ARHGEF1: variants seen among roughly 807,000 people sequenced by gnomAD.
ARHGEF1 encodes Rho guanine nucleotide exchange factor 1, also known as 115 kDa guanine nucleotide exchange factor.
Under a neutral mutation model 119.7 loss-of-function variants are expected in ARHGEF1, and 40 were observed. The ratio of observed to expected loss-of-function variants is 0.33; its 90% CI spans 0.26 to 0.44. ARHGEF1 has a LOEUF of 0.44. Ranked by LOEUF, ARHGEF1 falls within the 20% of genes least tolerant of loss-of-function variation. ARHGEF1 has a pLI of 1.00. For synonymous variants in ARHGEF1, 494 were observed against 521.0 expected (o/e 0.95, Z 0.71); for missense variants, 976 against 1,268.3 (o/e 0.77, Z 3.50).
At chr19:41,910,061 G>A, downstream of ARHGEF1, 2 of 1,613,460 alleles carry the variant, frequency 1.2e-6, no homozygotes, top group Non-Finnish European at 1.7e-6. The surrounding 1 kb of genome is among the most constrained non-coding windows in gnomAD (Gnocchi z 4.4). Context: ...GCCAGGGGAT[G>A]ACTCTGGCTT....
downstream of ARHGEF1, among the ~76,000 whole-genome samples, chr19:41,911,055 T>C (rs1764814338): frequency 6.6e-6 from 1 of 152,070 alleles, no homozygotes; most frequent in South Asian, 2.1e-4. Context: ...AGCACCAAGA[T>C]ATCCATGTCC....
In ARHGEF1 at chr19:41,904,365, A is replaced by G; in HGVS notation, c.2143A>G (p.Thr715Ala). The change falls in exon 22 of 29, where the codon ACC (threonine) becomes GCC (alanine). Residue 715 changes from threonine (T) to alanine (A), a missense_variant. Around this residue, in one of 3 missense-constraint regions of ARHGEF1, gnomAD observed 286 missense variants for 506.8 expected, o/e 0.56. Coordinates refer to ENST00000354532, the MANE Select transcript of ARHGEF1 (RefSeq NM_004706.4). The surrounding 1 kb of genome is among the most constrained non-coding windows in gnomAD (Gnocchi z 8.4). Reference sequence around the variant, plus strand: ...CGTGCTGCGGCTCACCTCCGCCATGACCCGCGAGGTGGCCACCGGTGAGTG... The same window carrying G: ...CGTGCTGCGGCTCACCTCCGCCATGGCCCGCGAGGTGGCCACCGGTGAGTG... ...RPVLRLTSAM[T>A]REVATDHKAF... The G allele has an allele frequency of 6.3e-7, 1 of 1,582,730 alleles. No individual in the cohort carries two copies.
intron 9 of ARHGEF1, 39 bp downstream of exon 9, chr19:41,894,345 C>T: frequency 6.6e-7 from 1 of 1,517,414 alleles, no homozygotes; most frequent in Non-Finnish European, 8.9e-7. Flanking sequence ...CTTTCCTCTC[C>T]AGAGACGCCC....
intron 18 of ARHGEF1, among the ~76,000 whole-genome samples, chr19:41,913,624 CCT>C (rs1668882647): frequency 6.6e-6 from 1 of 151,596 alleles, no homozygotes; most frequent in African/African-American, 2.4e-5. Flanking sequence ...CCTGAAGACC[CCT>C]GTCACTTGGA....
downstream of ARHGEF1, among the ~76,000 whole-genome samples, chr19:41,910,838 C>T (rs1433619606): frequency 6.6e-6 from 1 of 152,190 alleles, no homozygotes; most frequent in Non-Finnish European, 1.5e-5. The surrounding 1 kb of genome is among the most constrained non-coding windows in gnomAD (Gnocchi z 4.4). Flanking sequence ...CACACTCATG[C>T]TGGGGGCCAC....
rs1257265148 is a variant in ARHGEF1 at position 41,888,426 on chromosome 19, C to T, written c.111+148C>T. On this transcript the variant is annotated intron_variant, in intron 3 of 28. Coordinates refer to ENST00000354532, the MANE Select transcript of ARHGEF1 (RefSeq NM_004706.4). This position sits in a 1 kb window ranked among gnomAD's most constrained non-coding sequence, Gnocchi z 5.1. ...CCTGGTACCTCCTTCCTCACCTCGCCGACCCCACACAGCAGCATAGACGCC... is the reference window on the plus strand; with the variant it reads ...CCTGGTACCTCCTTCCTCACCTCGCTGACCCCACACAGCAGCATAGACGCC... 2.9e-5 allele frequency: 22 copies of T among 762,058 alleles called. No individual in the cohort carries two copies. Among genetic ancestry groups the T allele is most frequent in the South Asian group, 1.6e-4 (9 of 57,838 alleles). The allele number at this position is 762,058 out of a possible 1,614,324, so 47.2% of individuals were successfully genotyped here. A position where few individuals can be genotyped will look rare whatever the true frequency, so the allele number is the denominator to read the frequency against.
chr19:41,894,461 A>G lies in ARHGEF1; in HGVS notation c.755A>G (p.Asn252Ser), dbSNP rs1599642150. 1 of 1,562,170 alleles carries G rather than the reference A, an allele frequency of 6.4e-7. No individual in the cohort carries two copies. The highest frequency in any genetic ancestry group is 8.7e-7 in the Non-Finnish European group (1 of 1,152,058). Residue 252 changes from asparagine (N) to serine (S), a missense_variant, in exon 10 of 29, where the codon AAC (asparagine) becomes AGC (serine). By Grantham distance (46) the Asn-to-Ser change is conservative. Coordinates refer to ENST00000354532, the MANE Select transcript of ARHGEF1 (RefSeq NM_004706.4). ...RNFFRKKVMG[N>S]RRSDEPAKTK... is the part of the protein sequence containing the mutation. ...CCCGCCCTCTCACAGGTGATGGGGA[A>G]CCGGCGGTCGGACGAGCCTGCCAAG...
chr19:41,926,578 C>T (rs929577198), intron 1 of ARHGEF1, among the ~76,000 whole-genome samples: 12 of 152,264 alleles, frequency 7.9e-5, no homozygotes, highest in African/African-American at 2.4e-4. Flanking sequence ...GGGTCCCTCC[C>T]GTGGCTCTGG....
chr19:41,897,333 G>T, intron 13 of ARHGEF1: 1 of 1,265,814 alleles, frequency 7.9e-7, no homozygotes, highest in Non-Finnish European at 1.0e-6. Flanking sequence ...AGAGGTGGGT[G>T]CCTGGGCCCT....
At chr19:41,914,440 G>GT (rs1251287398) in intron 18 of ARHGEF1, among the ~76,000 whole-genome samples, 1 of 150,258 alleles carries the variant, frequency 6.7e-6, no homozygotes, top group Non-Finnish European at 1.5e-5. Flanking sequence ...TCTCTTCCCT[G>GT]TTTCTCCATC....
downstream of ARHGEF1, among the ~76,000 whole-genome samples, chr19:41,911,514 G>T (rs548983883): frequency 1.4e-4 from 22 of 152,240 alleles, no homozygotes; most frequent in Non-Finnish European, 3.1e-4. Context: ...GCAAGGGGGC[G>T]CAGGGTCCCA....
intron 1 of ARHGEF1, among the ~76,000 whole-genome samples, chr19:41,926,410 G>C (rs1356262703): frequency 2.0e-5 from 3 of 152,108 alleles, no homozygotes; most frequent in Admixed American, 6.5e-5. Flanking sequence ...GGAGTTGAAG[G>C]GGGAACATGG....
At position 41,901,316 on chromosome 19, in the gene ARHGEF1, A is replaced by C. The variant is rs543104770; in HGVS notation, c.1268-571A>C. ...AAGAGTCCGCCCCCACACCTGGCTA[A>C]TTTTTGTATTTTTTTAGTAGAGATG... On this transcript the variant is annotated intron_variant, in intron 14 of 28. Coordinates refer to ENST00000354532, the MANE Select transcript of ARHGEF1 (RefSeq NM_004706.4). Among the ~76,000 whole-genome samples, 23 of 148,434 alleles carry C rather than the reference A, an allele frequency of 1.5e-4. No homozygotes were observed. The Middle Eastern group carries it at 0.015, about 98-fold the overall frequency.
downstream of ARHGEF1, among the ~76,000 whole-genome samples, chr19:41,911,492 C>T (rs1350333224): frequency 6.6e-6 from 1 of 152,198 alleles, no homozygotes; most frequent in Non-Finnish European, 1.5e-5. Flanking sequence ...TTTAGAACTG[C>T]ACAGGTGGAA....
intron 1 of ARHGEF1, among the ~76,000 whole-genome samples, chr19:41,924,405 G>T (rs1360743962): frequency 1.3e-5 from 2 of 152,112 alleles, no homozygotes; most frequent in Non-Finnish European, 1.5e-5. Context: ...GCAAGTACGT[G>T]CCTCATGAGG....
In ARHGEF1 at chr19:41,905,627, CCT is replaced by C. The variant is rs2145866469; in HGVS notation, c.2337-132_2337-131del. The C allele has an allele frequency of 2.3e-6, 2 of 885,538 alleles. No homozygotes were observed. Among genetic ancestry groups the C allele is most frequent in the East Asian group, 5.2e-5 (2 of 38,272 alleles). The allele number at this position is 885,538 out of a possible 1,614,324, so 54.9% of individuals were successfully genotyped here. ...TCCATTGTCTGGGCCTCTCTGTCTCCCTGTCTCCCGGCCTCGACCTCTGTCTC... is the reference window on the plus strand; with the variant it reads ...TCCATTGTCTGGGCCTCTCTGTCTCCGTCTCCCGGCCTCGACCTCTGTCTC... On this transcript the variant is annotated intron_variant, in intron 24 of 28. Coordinates refer to ENST00000354532, the MANE Select transcript of ARHGEF1 (RefSeq NM_004706.4). The surrounding 1 kb of genome is among the most constrained non-coding windows in gnomAD (Gnocchi z 6.4).
Position 41,916,099 on chromosome 19 carries a change from C to T in ARHGEF1, c.1866-6993C>T, listed in dbSNP as rs1265777996. On this transcript the variant is annotated intron_variant, in intron 18 of 20. Coordinates refer to the ARHGEF1 transcript ENST00000599589. This position sits in a 1 kb window ranked among gnomAD's most constrained non-coding sequence, Gnocchi z 5.4. ...ATGTGAGCGAAGCGGTGTGCAGAGG[C>T]GCTGGGCAGGCGAGGGCCCTCCTCC... 1.3e-5 allele frequency among the ~76,000 whole-genome samples: 2 copies of T among 152,102 alleles called. No homozygotes were observed. Among genetic ancestry groups the T allele is most frequent in the African/African-American group, 2.4e-5 (1 of 41,474 alleles).
rs376186289 is a variant in ARHGEF1, at chr19:41,888,320, G to C, written c.111+42G>C. 6.3e-7 allele frequency: 1 copy of C among 1,597,242 alleles called. No homozygotes were observed. Among genetic ancestry groups the C allele is most frequent in the Non-Finnish European group, 8.6e-7 (1 of 1,168,666 alleles). ...GTGGAAAAGCTCTGTCCCAGGCTCA[G>C]TGTCCCGCCCCAGGTCCCCTCCCAC... On this transcript the variant is annotated intron_variant, in intron 3 of 28. Transcript: ENST00000354532. The surrounding 1 kb of genome is among the most constrained non-coding windows in gnomAD (Gnocchi z 5.1).
chr19:41,914,720 C>A (rs1395623133), intron 18 of ARHGEF1, among the ~76,000 whole-genome samples: 1 of 22,088 alleles, frequency 4.5e-5, no homozygotes, highest in Non-Finnish European at 7.4e-5. Context: ...ATCTCTGTCT[C>A]TCCCTCCCCT....
Sources: gnomAD v4.1 joint callset for allele counts (sites outside exome capture counted in the v4.1 genomes callset) on GRCh38, gnomAD v4.1.1 for gene constraint, gnomAD v4.1.1 regional missense constraint, Gnocchi (gnomAD v3.1) non-coding constraint, MANE v1.5 for transcripts, NCBI Gene and HGNC (gene_info 2026-07-23, HGNC 2026-07-21) for gene names.